The following AGBL4 variants were observed in gnomAD, a reference collection of about 807,000 sequenced individuals.
AGBL4 encodes cytosolic carboxypeptidase 6.
AGBL4 carries 58 observed loss-of-function variants against 66.4 expected under a neutral mutation model. The observed-to-expected ratio is 0.87, with a 90% CI of 0.71 to 1.09. The LOEUF (loss-of-function observed/expected upper bound fraction) is 1.09. Ranked by LOEUF, AGBL4 falls within the 50% of genes least tolerant of loss-of-function variation. The pLI is 0.00. For synonymous variants in AGBL4, 234 were observed against 222.9 expected (o/e 1.05, Z -0.44); for missense variants, 579 against 631.0 (o/e 0.92, Z 0.88).
intron 6 of AGBL4, among the ~76,000 whole-genome samples, chr1:48,741,252 T>TA (rs2148592490): frequency 6.6e-6 from 1 of 152,350 alleles, no homozygotes; most frequent in African/African-American, 2.4e-5. Context: ...TCACCAAACT[T>TA]AGATACACAG....
At chr1:48,977,445 A>T (rs911167235) in intron 5 of AGBL4, among the ~76,000 whole-genome samples, 2 of 152,142 alleles carry the variant, frequency 1.3e-5, no homozygotes, top group African/African-American at 2.4e-5. Flanking sequence ...GCTTTGAAAC[A>T]GTGTTTAACA....
In AGBL4 at chr1:48,631,061, T is replaced by C. The variant is rs540461568; in HGVS notation, c.951+3432A>G. Among the ~76,000 whole-genome samples the C allele has an allele frequency of 7.9e-5, 12 of 152,146 alleles. No individual in the cohort carries two copies. The East Asian group carries it at 2.3e-3, about 29-fold the overall frequency. On this transcript the variant is annotated intron_variant, in intron 9 of 13. Transcript: ENST00000371839. ...AGCACAGGGCCTGAAGGAATGACAG[T>C]TGATATTGGAGGGTCTTGCTGATTC...
chr1:49,613,186 A>G (rs1339488515), intron 3 of AGBL4, among the ~76,000 whole-genome samples: 1 of 152,078 alleles, frequency 6.6e-6, no homozygotes, highest in African/African-American at 2.4e-5. Context: ...CACTAGGTAC[A>G]CATGGACACA....
At position 48,895,274 on chromosome 1, in the gene AGBL4, C is replaced by T. The variant is rs1331813172; in HGVS notation, c.595-28044G>A. ...CCCCTTCTATCATCCTGTCAGAGGT[C>T]GGCTTGTTGACCGTCAGGCATGGGC... On this transcript the variant is annotated intron_variant, in intron 5 of 13. Coordinates refer to ENST00000371839, the MANE Select transcript of AGBL4 (RefSeq NM_032785.4). 3.9e-5 allele frequency among the ~76,000 whole-genome samples: 6 copies of T among 152,222 alleles called. No individual in the cohort carries two copies. In the East Asian group the frequency reaches 7.7e-4, roughly 20 times the overall value.
At chr1:49,160,642 G>A (rs1180081864) in intron 4 of AGBL4, among the ~76,000 whole-genome samples, 1 of 152,166 alleles carries the variant, frequency 6.6e-6, no homozygotes, top group East Asian at 1.9e-4. Flanking sequence ...TGCTGAAGCT[G>A]TGCCCACAGC....
chr1:48,951,174 G>A (rs896921550), intron 5 of AGBL4, among the ~76,000 whole-genome samples: 8 of 152,166 alleles, frequency 5.3e-5, no homozygotes, highest in Non-Finnish European at 1.0e-4. Context: ...GTGCTTTAGA[G>A]AAAGGACCAG....
intron 4 of AGBL4, among the ~76,000 whole-genome samples, chr1:49,109,941 T>G (rs1645373196): frequency 6.6e-6 from 1 of 152,262 alleles, no homozygotes; most frequent in Non-Finnish European, 1.5e-5. Context: ...CAATTATCTT[T>G]TTTCTCACTC....
intron 2 of AGBL4, among the ~76,000 whole-genome samples, chr1:49,761,098 G>T (rs1571507199): frequency 6.7e-6 from 1 of 149,268 alleles, no homozygotes; most frequent in East Asian, 2.0e-4. Context: ...GTATACCTAT[G>T]TAACAAACCT....
chr1:49,973,905 T>C (rs1424012585), intron 1 of AGBL4, among the ~76,000 whole-genome samples: 4 of 151,834 alleles, frequency 2.6e-5, no homozygotes, highest in Non-Finnish European at 1.5e-5. Context: ...CTAACAGTAC[T>C]GCAGAGTGGA....
intron 6 of AGBL4, among the ~76,000 whole-genome samples, chr1:48,692,885 T>C (rs1171965539): frequency 1.3e-5 from 2 of 152,230 alleles, no homozygotes; most frequent in Non-Finnish European, 2.9e-5. Context: ...TAGCAGCTGA[T>C]ACATATTGAG....
At chr1:48,930,495 A>G (rs1654948773) in intron 5 of AGBL4, among the ~76,000 whole-genome samples, 1 of 152,102 alleles carries the variant, frequency 6.6e-6, no homozygotes, top group African/African-American at 2.4e-5. Flanking sequence ...GATAGCCAAT[A>G]CCATTTTAGC....
rs532093240 is a variant in AGBL4 at position 49,687,503 on chromosome 1, G to T, written c.282+9810C>A. On this transcript the variant is annotated intron_variant, in intron 3 of 13. Transcript: ENST00000371839. ...AATAAAAATATGGGCAGAGCACAAC[G>T]GTTCATGTCCGCAATCCCAGCACTT... Among the ~76,000 whole-genome samples the T allele has an allele frequency of 1.6e-4, 24 of 152,242 alleles. No individual in the cohort carries two copies. In the South Asian group the frequency reaches 4.8e-3, roughly 30 times the overall value.
At chr1:48,939,415 C>T (rs910011382) in intron 5 of AGBL4, among the ~76,000 whole-genome samples, 3 of 152,190 alleles carry the variant, frequency 2.0e-5, no homozygotes, top group African/African-American at 7.2e-5. Context: ...ATGGCATTAG[C>T]ATCTAGTCAA....
chr1:49,591,916 A>G (rs1571123738), intron 3 of AGBL4, among the ~76,000 whole-genome samples: 1 of 152,312 alleles, frequency 6.6e-6, no homozygotes, highest in African/African-American at 2.4e-5. Context: ...TTCCTTCCTT[A>G]CACCATATAC....
intron 3 of AGBL4, among the ~76,000 whole-genome samples, chr1:49,293,377 C>T (rs1644580862): frequency 1.3e-5 from 2 of 152,192 alleles, no homozygotes; most frequent in Non-Finnish European, 2.9e-5. Context: ...GCCCAGCAGG[C>T]CTGAGCAAAA....
intron 3 of AGBL4, among the ~76,000 whole-genome samples, chr1:49,393,287 C>T (rs2148596019): frequency 6.6e-6 from 1 of 152,022 alleles, no homozygotes; most frequent in African/African-American, 2.4e-5. Context: ...AACAATAAAG[C>T]TAAAGTAAGA....
chr1:49,086,626 G>T (rs997816781), intron 4 of AGBL4, among the ~76,000 whole-genome samples: 1 of 151,766 alleles, frequency 6.6e-6, no homozygotes, highest in African/African-American at 2.4e-5. Context: ...TTTGCCAAGG[G>T]GCGCAGGCTC....
intron 7 of AGBL4, among the ~76,000 whole-genome samples, chr1:48,662,123 C>T (rs1557862498): frequency 6.6e-6 from 1 of 152,158 alleles, no homozygotes; most frequent in Non-Finnish European, 1.5e-5. Flanking sequence ...GAAAATAAAG[C>T]CCATATTTAT....
chr1:48,544,703 C>T (rs996302997), intron 11 of AGBL4, among the ~76,000 whole-genome samples: 4 of 152,132 alleles, frequency 2.6e-5, no homozygotes, highest in African/African-American at 9.7e-5. Flanking sequence ...TCCATGTGAG[C>T]AGTCTGACTG....
Sources: gnomAD v4.1 joint callset for allele counts (sites outside exome capture counted in the v4.1 genomes callset) on GRCh38, gnomAD v4.1.1 for gene constraint, MANE v1.5 for transcripts, NCBI Gene and HGNC (gene_info 2026-07-23, HGNC 2026-07-21) for gene names.